Variants in PPP2R2C observed in about 807,000 individuals in gnomAD.
PPP2R2C encodes the protein protein phosphatase 2 regulatory subunit Bgamma.
In PPP2R2C, 10 loss-of-function variants were observed where a neutral mutation model predicts 45.3. That is an observed-to-expected ratio of 0.22 (90% CI 0.14 to 0.37). The LOEUF (loss-of-function observed/expected upper bound fraction) is 0.37. PPP2R2C is among the 10% of genes least tolerant of loss of function. The probability of loss-of-function intolerance (pLI) is 1.00; values close to 1 mark genes in which losing one functional copy is unlikely to be tolerated. For missense variants in PPP2R2C, 308 were observed against 619.7 expected, an observed-to-expected ratio of 0.50 and a Z score of 5.34; for synonymous variants, 257 against 245.4, an observed-to-expected ratio of 1.05 and a Z score of -0.44.
At chr4:6,327,408 G>C (rs1336180931) in intron 8 of PPP2R2C, among the ~76,000 whole-genome samples, 4 of 152,192 alleles carry the variant, frequency 2.6e-5, no homozygotes, top group Non-Finnish European at 1.5e-5. Context: ...GGGGATGCTT[G>C]GCGGCTTCTC....
intron 1 of PPP2R2C, among the ~76,000 whole-genome samples, chr4:6,441,775 C>T (rs952258700): frequency 1.8e-4 from 28 of 152,230 alleles, no homozygotes; most frequent in Admixed American, 9.2e-4. Context: ...CAGCCACACA[C>T]ATGCAACACG....
intron 1 of PPP2R2C, among the ~76,000 whole-genome samples, chr4:6,445,141 A>G (rs1184270758): frequency 6.6e-6 from 1 of 152,116 alleles, no homozygotes; most frequent in Non-Finnish European, 1.5e-5. Flanking sequence ...GTGAGCTGAG[A>G]TCACATCACT....
chr4:6,346,463 G>A (rs762961675), intron 6 of PPP2R2C, among the ~76,000 whole-genome samples: 11 of 152,146 alleles, frequency 7.2e-5, no homozygotes, highest in Non-Finnish European at 1.3e-4. Flanking sequence ...ACCTGACTTT[G>A]TGGGTGTTGG....
At chr4:6,394,045 G>A (rs987706447) in intron 1 of PPP2R2C, among the ~76,000 whole-genome samples, 18 of 152,196 alleles carry the variant, frequency 1.2e-4, no homozygotes, top group African/African-American at 4.1e-4. Context: ...TGCAACACAG[G>A]CTCCGGAAAG....
chr4:6,330,265 G>C lies in PPP2R2C; in HGVS notation c.961-912C>G, dbSNP rs1021622106. On this transcript the variant is annotated intron_variant, in intron 7 of 8. Transcript: ENST00000382599. The surrounding 1 kb of genome is among the most constrained non-coding windows in gnomAD (Gnocchi z 7.0). ...CGGGCTCTGCCCTCTGGGTGCGGAA[G>C]GGAAGGTAACTGGGTGCCATGGAGC... Among the ~76,000 whole-genome samples the C allele has an allele frequency of 1.3e-5, 2 of 152,220 alleles. No homozygotes were observed. The highest frequency in any genetic ancestry group is 4.8e-5 in the African/African-American group (2 of 41,460).
chr4:6,362,105 A>G (rs1486013017), intron 5 of PPP2R2C, among the ~76,000 whole-genome samples: 2 of 152,016 alleles, frequency 1.3e-5, no homozygotes, highest in African/African-American at 4.8e-5. Flanking sequence ...GTGGCTGAGC[A>G]TGAGGGAGGG....
chr4:6,492,231 T>A (rs114471057), intron 2 of PPP2R2C, among the ~76,000 whole-genome samples: 1,911 of 152,286 alleles, frequency 0.013, 11 homozygotes, highest in Non-Finnish European at 0.021. Flanking sequence ...TCCAAGGACA[T>A]GTCCCACAGT....
chr4:6,442,183 C>T (rs903775563), intron 1 of PPP2R2C, among the ~76,000 whole-genome samples: 2 of 152,244 alleles, frequency 1.3e-5, no homozygotes, highest in Non-Finnish European at 2.9e-5. Context: ...AGACTGTGTC[C>T]AATGTGCTGT....
At chr4:6,535,021 T>G (rs13122678) in intron 2 of PPP2R2C, among the ~76,000 whole-genome samples, 143,606 of 152,250 alleles carry the variant, frequency 0.94, 68,172 homozygotes, top group East Asian at 1. Context: ...AGGTGGCGCA[T>G]GAAGGGGGCC....
chr4:6,530,784 G>A (rs1340484041), intron 2 of PPP2R2C, among the ~76,000 whole-genome samples: 4 of 152,168 alleles, frequency 2.6e-5, no homozygotes, highest in Admixed American at 6.5e-5. Context: ...CAGTGGCTGC[G>A]ACCACTGTAA....
At chr4:6,398,961 A>G (rs1280592382) in intron 1 of PPP2R2C, among the ~76,000 whole-genome samples, 1 of 152,214 alleles carries the variant, frequency 6.6e-6, no homozygotes, top group African/African-American at 2.4e-5. Flanking sequence ...AGTTCAAAAT[A>G]CCCACACTGA....
chr4:6,512,233 ATGG>A (rs1560595139), intron 2 of PPP2R2C, among the ~76,000 whole-genome samples: 2 of 8,384 alleles, frequency 2.4e-4, no homozygotes, highest in Admixed American at 1.3e-3. Context: ...GGTGGTGGTG[ATGG>A]TGGGGGTGGT....
intron 2 of PPP2R2C, among the ~76,000 whole-genome samples, chr4:6,528,502 G>C (rs1160008843): frequency 6.7e-6 from 1 of 148,602 alleles, no homozygotes. Flanking sequence ...TGGAGCCCCA[G>C]TCACCAGATC....
At chr4:6,478,027 C>G (rs1266673154) in intron 2 of PPP2R2C, among the ~76,000 whole-genome samples, 1 of 152,184 alleles carries the variant, frequency 6.6e-6, no homozygotes, top group African/African-American at 2.4e-5. Flanking sequence ...AAGGTCTTCA[C>G]AGTCTGGCCC....
intron 1 of PPP2R2C, among the ~76,000 whole-genome samples, chr4:6,547,417 G>A (rs970566240): frequency 6.6e-6 from 1 of 151,786 alleles, no homozygotes; most frequent in African/African-American, 2.4e-5. Flanking sequence ...GCAGATTCTC[G>A]CCCTCGACCT....
intron 5 of PPP2R2C, among the ~76,000 whole-genome samples, chr4:6,348,493 G>C (rs1179548281): frequency 6.6e-6 from 1 of 152,008 alleles, no homozygotes; most frequent in Non-Finnish European, 1.5e-5. Flanking sequence ...TGAGTGTGTG[G>C]GCATCTGGGA....
At chr4:6,343,458 T>C (rs1711531221) in intron 6 of PPP2R2C, among the ~76,000 whole-genome samples, 1 of 152,232 alleles carries the variant, frequency 6.6e-6, no homozygotes, top group South Asian at 2.1e-4. Context: ...ATTTTTCTTC[T>C]CTTGGCCTGG....
intron 2 of PPP2R2C, among the ~76,000 whole-genome samples, chr4:6,515,315 C>A (rs903357155): frequency 3.9e-5 from 6 of 152,208 alleles, no homozygotes; most frequent in Non-Finnish European, 1.5e-5. Context: ...CTTGGCACAG[C>A]TGGGAAGAGC....
In PPP2R2C at chr4:6,563,553, C is replaced by G. The variant is rs552069109; in HGVS notation, c.-59+7G>C. On this transcript the variant is annotated splice_region_variant and intron_variant, in intron 1 of 9. Coordinates refer to the PPP2R2C transcript ENST00000506140. The surrounding 1 kb of genome is among the most constrained non-coding windows in gnomAD (Gnocchi z 5.8). ...GCGGGGCCGGGCGCCCTGCAGCCCG[C>G]GCTTACCTTCGGAAACTTCGAGGTC... is the stretch of plus-strand genomic sequence containing the variant. The G allele has an allele frequency of 1.3e-5, 2 of 152,716 alleles. No homozygotes were observed. The highest frequency in any genetic ancestry group is 4.8e-5 in the African/African-American group (2 of 41,362). 9.5% of individuals were successfully genotyped at this position (152,716 alleles called of 1,614,324 possible).
Sources: gnomAD v4.1 joint callset for allele counts (sites outside exome capture counted in the v4.1 genomes callset) on GRCh38, gnomAD v4.1.1 for gene constraint, Gnocchi (gnomAD v3.1) non-coding constraint, MANE v1.5 for transcripts, NCBI Gene and HGNC (gene_info 2026-07-23, HGNC 2026-07-21) for gene names.